The following CACNA1E variants were observed in gnomAD, a reference collection of about 807,000 sequenced individuals.
CACNA1E encodes voltage-dependent R-type calcium channel subunit alpha-1E.
Under a neutral mutation model 259.2 loss-of-function variants are expected in CACNA1E, and 40 were observed. The observed-to-expected ratio is 0.15, with a 90% CI of 0.12 to 0.20. The LOEUF (loss-of-function observed/expected upper bound fraction) is 0.20, where lower values mean the gene tolerates loss of function less well. CACNA1E is among the 10% of genes least tolerant of loss of function. The pLI is 1.00. For synonymous variants in CACNA1E, 1,104 were observed against 1,138.5 expected (o/e 0.97, Z 0.61); for missense variants, 1,874 against 3,040.1 (o/e 0.62, Z 9.02).
intron 1 of CACNA1E, among the ~76,000 whole-genome samples, chr1:181,334,215 G>A (rs1571589394): frequency 2.0e-5 from 3 of 152,116 alleles, no homozygotes; most frequent in Admixed American, 6.5e-5. Context: ...TTCAGGACAC[G>A]CCCTCTCCTC....
At chr1:181,618,273 A>G (rs16857817) in intron 6 of CACNA1E, among the ~76,000 whole-genome samples, 12,739 of 152,238 alleles carry the variant, frequency 0.084, 652 homozygotes, top group South Asian at 0.21. Context: ...GGACTTCAAG[A>G]GATCATCTGG....
intron 7 of CACNA1E, among the ~76,000 whole-genome samples, chr1:181,706,186 T>A (rs1332121662): frequency 3.3e-5 from 5 of 152,220 alleles, no homozygotes; most frequent in African/African-American, 1.2e-4. Flanking sequence ...CCAAGGGAAC[T>A]GGATAAATTA....
rs1239481041 is a variant in CACNA1E at position 181,786,096 on chromosome 1, AGAG to A, written c.5786+281_5786+283del. ...TTCTTTTAATATACTTGGGTCTTAT[AGAG>A]GAGATTATTTTTCTTCACAACAGAA... On this transcript the variant is annotated intron_variant, in intron 43 of 47. Transcript: ENST00000367573. Among the ~76,000 whole-genome samples, 6 of 152,172 alleles carry A rather than the reference AGAG, an allele frequency of 3.9e-5. No individual in the cohort carries two copies. The East Asian group carries it at 7.7e-4, about 20-fold the overall frequency.
At chr1:181,578,949 A>T (rs1651248306) in intron 4 of CACNA1E, 123 bp from the exon 5 acceptor site, 1 of 753,864 alleles carries the variant, frequency 1.3e-6, no homozygotes, top group East Asian at 2.8e-5. Context: ...CATTCTAATA[A>T]ATTTAATCTA....
At chr1:181,680,500 C>T (rs545229738) in intron 7 of CACNA1E, among the ~76,000 whole-genome samples, 1 of 152,260 alleles carries the variant, frequency 6.6e-6, no homozygotes, top group African/African-American at 2.4e-5. Context: ...CCGGGAAAGT[C>T]AAGAACTGTG....
chr1:181,324,655 C>T (rs1464347977), intron 1 of CACNA1E, among the ~76,000 whole-genome samples: 1 of 152,126 alleles, frequency 6.6e-6, no homozygotes, highest in Non-Finnish European at 1.5e-5. Flanking sequence ...TTAGATGATG[C>T]CTAGGACAGG....
Position 181,663,486 on chromosome 1 carries a change from G to A in CACNA1E, c.1055+12045G>A, listed in dbSNP as rs138013805. Among the ~76,000 whole-genome samples the A allele has an allele frequency of 6.2e-3, 944 of 152,234 alleles. 3 individuals are homozygous for A. Among genetic ancestry groups the A allele is most frequent in the Middle Eastern group, 0.02 (6 of 294 alleles). ...GGATGTCTTTCCATGTATTTGGATC[G>A]CTCCTGATATCTTAGTGCCTTGTTT... On this transcript the variant is annotated intron_variant, in intron 7 of 47. Coordinates refer to ENST00000367573, the MANE Select transcript of CACNA1E (RefSeq NM_001205293.3).
intron 7 of CACNA1E, among the ~76,000 whole-genome samples, chr1:181,696,084 A>G (rs1288485513): frequency 2.0e-5 from 3 of 152,252 alleles, no homozygotes; most frequent in Non-Finnish European, 4.4e-5. Flanking sequence ...TAAAAAGCAT[A>G]AACAATGAAA....
rs185138861 is a variant in CACNA1E at position 181,331,599 on chromosome 1, G to A, written c.-15+13476G>A. Among the ~76,000 whole-genome samples the A allele has an allele frequency of 1.7e-3, 261 of 152,166 alleles. 2 individuals are homozygous for A. Among genetic ancestry groups the A allele is most frequent in the Middle Eastern group, 0.014 (4 of 294 alleles). On this transcript the variant is annotated intron_variant, in intron 1 of 11. Transcript: ENST00000524607. ...CCACCTATTCCACTCAGACTCACAC[G>A]CCAGTCTCCTTTGGAAACACCGTTA...
intron 1 of CACNA1E, among the ~76,000 whole-genome samples, chr1:181,391,556 T>C (rs532524219): frequency 7.9e-5 from 12 of 152,140 alleles, no homozygotes; most frequent in African/African-American, 2.9e-4. Flanking sequence ...GGAAGCTCCG[T>C]GGCAAAGGAG....
At chr1:181,655,806 A>G (rs1572505945) in intron 7 of CACNA1E, among the ~76,000 whole-genome samples, 1 of 152,112 alleles carries the variant, frequency 6.6e-6, no homozygotes, top group South Asian at 2.1e-4. Context: ...AATAAAACTA[A>G]TGTATTCCCC....
intron 7 of CACNA1E, among the ~76,000 whole-genome samples, chr1:181,685,595 G>A (rs1410772446): frequency 1.3e-5 from 2 of 152,042 alleles, no homozygotes; most frequent in Non-Finnish European, 2.9e-5. Context: ...TTTCAGTTGT[G>A]TAAATCTTAA....
At chr1:181,563,094 G>A (rs180724228) in intron 3 of CACNA1E, among the ~76,000 whole-genome samples, 182 of 152,170 alleles carry the variant, frequency 1.2e-3, no homozygotes, top group African/African-American at 3.7e-3. Context: ...AATAGCTCTC[G>A]TTCATTTTGA....
chr1:181,674,254 A>AT (rs1649128529), intron 7 of CACNA1E, among the ~76,000 whole-genome samples: 1 of 150,934 alleles, frequency 6.6e-6, no homozygotes, highest in Non-Finnish European at 1.5e-5. Flanking sequence ...TTAGCCAGGC[A>AT]TGGCAGCGTG....
intron 3 of CACNA1E, among the ~76,000 whole-genome samples, chr1:181,563,648 G>A (rs1474387369): frequency 1.3e-5 from 2 of 152,150 alleles, no homozygotes; most frequent in Non-Finnish European, 2.9e-5. Context: ...AGGGGAAAAG[G>A]AAGCATCATT....
intron 6 of CACNA1E, among the ~76,000 whole-genome samples, chr1:181,598,370 C>T (rs566610987): frequency 1.8e-4 from 28 of 152,020 alleles, no homozygotes; most frequent in Non-Finnish European, 3.2e-4. Context: ...AAGGCAGTGG[C>T]GGTGTTCTCT....
At chr1:181,423,218 T>C (rs1658893330) in intron 2 of CACNA1E, among the ~76,000 whole-genome samples, 1 of 152,170 alleles carries the variant, frequency 6.6e-6, no homozygotes, top group African/African-American at 2.4e-5. Context: ...GCAGAGGTTG[T>C]AGTTAGGCTT....
rs889719272 is a variant in CACNA1E, at chr1:181,439,643, A to G, written c.434+26063A>G. ...ACGGTGTTTGTAGTCTTTTTGGTGT[A>G]TGTGCGTGCCCTGGCAAGAGGCTCA... On this transcript the variant is annotated intron_variant, in intron 2 of 11. Transcript: ENST00000524607. Among the ~76,000 whole-genome samples the G allele has an allele frequency of 6.6e-5, 10 of 152,112 alleles. No individual in the cohort carries two copies. The East Asian group carries it at 1.2e-3, about 18-fold the overall frequency.
At chr1:181,465,145 ATAT>A (rs972614112) in intron 2 of CACNA1E, among the ~76,000 whole-genome samples, 3 of 152,026 alleles carry the variant, frequency 2.0e-5, no homozygotes, top group African/African-American at 7.3e-5. Context: ...ACACTTGATG[ATAT>A]TATTCTATCA....
Sources: gnomAD v4.1 joint callset for allele counts (sites outside exome capture counted in the v4.1 genomes callset) on GRCh38, gnomAD v4.1.1 for gene constraint, MANE v1.5 for transcripts, NCBI Gene and HGNC (gene_info 2026-07-23, HGNC 2026-07-21) for gene names.